The following CDC14A variants were observed in gnomAD, a reference collection of about 807,000 sequenced individuals.
CDC14A encodes cell division cycle 14A, also known as dual specificity protein phosphatase CDC14A.
Under a neutral mutation model 74.4 loss-of-function variants are expected in CDC14A, and 53 were observed. That is an observed-to-expected ratio of 0.71 (90% CI 0.57 to 0.89). The LOEUF (loss-of-function observed/expected upper bound fraction) is 0.89, where lower values mean the gene tolerates loss of function less well. Ranked by LOEUF, CDC14A falls within the 40% of genes least tolerant of loss-of-function variation. CDC14A has a pLI of 0.00. For synonymous variants in CDC14A, 247 were observed against 258.4 expected, an observed-to-expected ratio of 0.96 and a Z score of 0.43; for missense variants, 646 against 713.7, an observed-to-expected ratio of 0.91 and a Z score of 1.08.
intron 4 of CDC14A, among the ~76,000 whole-genome samples, chr1:100,412,728 T>TATATATATATATATAAATAAA (rs1557732405): frequency 1.0e-5 from 1 of 98,236 alleles, no homozygotes; most frequent in Non-Finnish European, 2.0e-5. Flanking sequence ...ATATATTTTA[T>TATATATATATATATAAATAAA]ATATATATAT....
rs577719206 is a variant in CDC14A, at chr1:100,419,969, T to C, written c.310-4253T>C. 1.3e-4 allele frequency among the ~76,000 whole-genome samples: 18 copies of C among 142,752 alleles called. No homozygotes were observed. In the South Asian group the frequency reaches 1.8e-3, roughly 14 times the overall value. 93.7% of individuals were successfully genotyped at this position (142,752 alleles called of 152,430 possible). A position where few individuals can be genotyped will look rare whatever the true frequency, so the allele number is the denominator to read the frequency against. On this transcript the variant is annotated intron_variant, in intron 4 of 15. Coordinates refer to ENST00000336454, the MANE Select transcript of CDC14A (RefSeq NM_003672.4). The stretch of plus-strand genomic sequence containing the variant: ...CCAAGTCACAAAATATAAATATAAT[T>C]AATGTAGGGGCACAGATTTCACTTT...
chr1:100,409,030 C>A (rs1278768315), intron 4 of CDC14A, among the ~76,000 whole-genome samples: 4 of 152,174 alleles, frequency 2.6e-5, no homozygotes, highest in African/African-American at 9.7e-5. Context: ...TTGATAAAGA[C>A]ATATCTGAGA....
At chr1:100,462,549 G>A in intron 8 of CDC14A, 102 bp from the exon 9 acceptor site, 1 of 887,824 alleles carries the variant, frequency 1.1e-6, no homozygotes, top group South Asian at 1.6e-5. Context: ...TTCCTCCCAA[G>A]CTTTGTTGAG....
At chr1:100,400,102 G>C (rs1005740539) in intron 4 of CDC14A, among the ~76,000 whole-genome samples, 1 of 152,206 alleles carries the variant, frequency 6.6e-6, no homozygotes, top group Admixed American at 6.5e-5. Context: ...GCCGTCTGCT[G>C]AGTATACAGA....
chr1:100,414,481 A>G (rs1661259753), intron 4 of CDC14A, among the ~76,000 whole-genome samples: 1 of 152,216 alleles, frequency 6.6e-6, no homozygotes, highest in African/African-American at 2.4e-5. Context: ...CACCATCTTC[A>G]TTACAAAGTT....
chr1:100,395,690 C>T (rs537615451), intron 4 of CDC14A, among the ~76,000 whole-genome samples: 1 of 152,114 alleles, frequency 6.6e-6, no homozygotes, highest in Admixed American at 6.5e-5. Context: ...ACGTCATTAC[C>T]CTGTTTCAAA....
chr1:100,441,093 G>A lies in CDC14A; in HGVS notation c.456+1095G>A, dbSNP rs143291185. Among the ~76,000 whole-genome samples the A allele has an allele frequency of 5.9e-3, 891 of 152,154 alleles. 16 individuals are homozygous for A. The highest frequency in any genetic ancestry group is 0.021 in the African/African-American group (864 of 41,510). The stretch of plus-strand genomic sequence containing the variant: ...TATTTATCGTCACTATTATTATTTT[G>A]CCTTTTCTACCATCTGCTACAGGCC... On this transcript the variant is annotated intron_variant, in intron 6 of 15. Transcript: ENST00000336454.
chr1:100,511,532 C>T (rs2392163), intron 15 of CDC14A, among the ~76,000 whole-genome samples: 132,911 of 152,188 alleles, frequency 0.87, 60,551 homozygotes, highest in Non-Finnish European at 1. Flanking sequence ...TCCCAGCTTC[C>T]TCTGGGTGTT....
intron 11 of CDC14A, among the ~76,000 whole-genome samples, chr1:100,487,560 A>AAAAAC (rs1486571759): frequency 5.6e-3 from 254 of 45,706 alleles, no homozygotes; most frequent in African/African-American, 8.9e-3. Context: ...ACTCGGTCTC[A>AAAAAC]AAAACAAAAC....
intron 11 of CDC14A, chr1:100,485,195 G>T: frequency 1.0e-6 from 1 of 985,356 alleles, no homozygotes; most frequent in Non-Finnish European, 1.2e-6. Flanking sequence ...TTCCACTATT[G>T]TAGAGACAAG....
intron 3 of CDC14A, among the ~76,000 whole-genome samples, chr1:100,383,149 C>T (rs891585233): frequency 3.3e-5 from 5 of 152,120 alleles, no homozygotes; most frequent in Non-Finnish European, 7.4e-5. Flanking sequence ...CCCATAGGAG[C>T]GAGCATATAC....
intron 5 of CDC14A, among the ~76,000 whole-genome samples, chr1:100,427,779 G>T (rs936308759): frequency 2.0e-5 from 3 of 152,162 alleles, no homozygotes; most frequent in Admixed American, 6.5e-5. Flanking sequence ...CCTGCTGCAG[G>T]AGAGCTCAGT....
chr1:100,489,811 C>A (rs17122660), intron 11 of CDC14A, among the ~76,000 whole-genome samples: 1,747 of 152,162 alleles, frequency 0.011, 41 homozygotes, highest in African/African-American at 0.04. Flanking sequence ...TTCATTGTTG[C>A]CAGCATCAGC....
At chr1:100,389,462 A>AT (rs373211441) in intron 3 of CDC14A, among the ~76,000 whole-genome samples, 25,292 of 149,724 alleles carry the variant, frequency 0.17, 3,133 homozygotes, top group African/African-American at 0.35. Flanking sequence ...AAAAAAAAAA[A>AT]ATATATATAT....
intron 15 of CDC14A, among the ~76,000 whole-genome samples, chr1:100,514,806 T>A (rs2101484713): frequency 6.6e-6 from 1 of 152,318 alleles, no homozygotes; most frequent in Admixed American, 6.5e-5. Flanking sequence ...AAGTAATATA[T>A]CTAATTTGTT....
At chr1:100,355,004 T>G (rs1651686152) in intron 2 of CDC14A, among the ~76,000 whole-genome samples, 1 of 152,228 alleles carries the variant, frequency 6.6e-6, no homozygotes, top group Non-Finnish European at 1.5e-5. Flanking sequence ...GGGAGGAGAA[T>G]GCTTCTTGAA....
rs1375411451 is a variant in CDC14A, at chr1:100,508,995, G to C, written c.1756-9256G>C. Among the ~76,000 whole-genome samples the C allele has an allele frequency of 6.6e-6, 1 of 152,152 alleles. No homozygotes were observed. The highest frequency in any genetic ancestry group is 2.4e-5 in the African/African-American group (1 of 41,432). On this transcript the variant is annotated intron_variant, in intron 15 of 15. Coordinates refer to ENST00000336454, the MANE Select transcript of CDC14A (RefSeq NM_003672.4). This position sits in a 1 kb window ranked among gnomAD's most constrained non-coding sequence, Gnocchi z 4.4. ...GAAGTAGGTCCAGTCTCTGCAGCTT[G>C]CTGTTTAGTGCCTTTTTCAGCTTTC...
intron 4 of CDC14A, chr1:100,393,045 C>T: frequency 7.2e-7 from 1 of 1,395,448 alleles, no homozygotes. Context: ...AGAAGTCTTG[C>T]CGGATGTTTT....
chr1:100,476,746 G>A (rs902401830), intron 10 of CDC14A, among the ~76,000 whole-genome samples: 1 of 151,870 alleles, frequency 6.6e-6, no homozygotes, highest in Non-Finnish European at 1.5e-5. Context: ...TATAATTTTC[G>A]GCATGAAATC....
Sources: gnomAD v4.1 joint callset for allele counts (sites outside exome capture counted in the v4.1 genomes callset) on GRCh38, gnomAD v4.1.1 for gene constraint, Gnocchi (gnomAD v3.1) non-coding constraint, MANE v1.5 for transcripts, NCBI Gene and HGNC (gene_info 2026-07-23, HGNC 2026-07-21) for gene names.